Variants in KIRREL3 observed in about 807,000 individuals in gnomAD.
KIRREL3 encodes kin of IRRE-like protein 3.
KIRREL3 carries 36 observed loss-of-function variants against 89.7 expected under a neutral mutation model. The observed-to-expected ratio is 0.40, with a 90% confidence interval of 0.31 to 0.53. The LOEUF (loss-of-function observed/expected upper bound fraction) is 0.53. Among genes scored for constraint, KIRREL3 ranks in the 20% least tolerant of loss-of-function variants. The probability of loss-of-function intolerance (pLI) is 0.49; values close to 1 mark genes in which losing one functional copy is unlikely to be tolerated. For synonymous variants in KIRREL3, 445 were observed against 441.4 expected, an observed-to-expected ratio of 1.01 and a Z score of -0.10; for missense variants, 864 against 1,056.6, an observed-to-expected ratio of 0.82 and a Z score of 2.53.
chr11:126,834,232 G>A (rs960949343), intron 1 of KIRREL3, among the ~76,000 whole-genome samples: 4 of 152,174 alleles, frequency 2.6e-5, no homozygotes, highest in Non-Finnish European at 4.4e-5. Flanking sequence ...TTGCAAGCTG[G>A]GAGGTGAGGT....
rs1303586185 is a variant in KIRREL3 at position 126,891,708 on chromosome 11, G to A, written c.55+108747C>T. On this transcript the variant is annotated intron_variant, in intron 1 of 16. Coordinates refer to ENST00000525144, the MANE Select transcript of KIRREL3 (RefSeq NM_032531.4). The surrounding 1 kb of genome is among the most constrained non-coding windows in gnomAD (Gnocchi z 5.1). ...TGGCTTCTAAGATGCAGCCCTGACC[G>A]GCTGACTCAAAGGAAGTTGGCTGGC... 1.3e-5 allele frequency among the ~76,000 whole-genome samples: 2 copies of A among 152,284 alleles called. No individual in the cohort carries two copies. The highest frequency in any genetic ancestry group is 2.4e-5 in the African/African-American group (1 of 41,556).
chr11:126,577,877 G>A (rs917444432), intron 1 of KIRREL3, among the ~76,000 whole-genome samples: 1 of 151,952 alleles, frequency 6.6e-6, no homozygotes, highest in Non-Finnish European at 1.5e-5. Flanking sequence ...TAGATTCTTC[G>A]AACAAAAAGT....
intron 2 of KIRREL3, among the ~76,000 whole-genome samples, chr11:126,547,175 T>C (rs1265431192): frequency 6.6e-6 from 1 of 152,240 alleles, no homozygotes; most frequent in South Asian, 2.1e-4. Flanking sequence ...ATCTGGGCTC[T>C]AAAACATTAT....
At chr11:126,910,795 G>A (rs1251330465) in intron 1 of KIRREL3, among the ~76,000 whole-genome samples, 2 of 152,168 alleles carry the variant, frequency 1.3e-5, no homozygotes, top group Non-Finnish European at 2.9e-5. Context: ...AAACTCCCAT[G>A]TGTCAGGCTC....
At chr11:126,585,949 G>T (rs910949674) in intron 1 of KIRREL3, among the ~76,000 whole-genome samples, 5 of 152,256 alleles carry the variant, frequency 3.3e-5, no homozygotes, top group African/African-American at 9.6e-5. Context: ...AAATAAATAT[G>T]ATATCATAAG....
Position 126,576,755 on chromosome 11 carries a change from T to G in KIRREL3, c.56-13843A>C, listed in dbSNP as rs1486635711. Among the ~76,000 whole-genome samples the G allele has an allele frequency of 6.6e-6, 1 of 152,200 alleles. No individual in the cohort carries two copies. Among genetic ancestry groups the G allele is most frequent in the Admixed American group, 6.5e-5 (1 of 15,286 alleles). On this transcript the variant is annotated intron_variant, in intron 1 of 16. Coordinates refer to ENST00000525144, the MANE Select transcript of KIRREL3 (RefSeq NM_032531.4). The surrounding 1 kb of genome is among the most constrained non-coding windows in gnomAD (Gnocchi z 5.4). Reference sequence around the variant, plus strand: ...TCTTCTCAGGCACTTAGATTTTTGATGCACACTGAGAGGGTCCTTTTTAAT... The same window carrying G: ...TCTTCTCAGGCACTTAGATTTTTGAGGCACACTGAGAGGGTCCTTTTTAAT...
In KIRREL3 at chr11:126,628,204, C is replaced by G. The variant is rs898250656; in HGVS notation, c.56-65292G>C. ...GGCTTCTGGCCTGCATCCCACTGCA[C>G]TGTCTGAGCACTCATCAAGACCTGC... On this transcript the variant is annotated intron_variant, in intron 1 of 16. Coordinates refer to ENST00000525144, the MANE Select transcript of KIRREL3 (RefSeq NM_032531.4). The surrounding 1 kb of genome is among the most constrained non-coding windows in gnomAD (Gnocchi z 5.2). Among the ~76,000 whole-genome samples the G allele has an allele frequency of 4.6e-5, 7 of 152,220 alleles. No individual in the cohort carries two copies. The highest frequency in any genetic ancestry group is 1.0e-4 in the Non-Finnish European group (7 of 68,038).
intron 10 of KIRREL3, among the ~76,000 whole-genome samples, chr11:126,442,720 A>G (rs1277213090): frequency 1.3e-5 from 2 of 152,266 alleles, no homozygotes; most frequent in Non-Finnish European, 2.9e-5. Flanking sequence ...GCTCTGCAGA[A>G]GCAGGGGCAG....
At chr11:126,437,886 A>T (rs1176541564) in intron 11 of KIRREL3, among the ~76,000 whole-genome samples, 1 of 152,166 alleles carries the variant, frequency 6.6e-6, no homozygotes, top group Non-Finnish European at 1.5e-5. Context: ...ACACTATGAC[A>T]TACACACACA....
At position 126,431,655 on chromosome 11, in the gene KIRREL3, G is replaced by C. The variant is rs536713619; in HGVS notation, c.1589-129C>G. On this transcript the variant is annotated intron_variant, in intron 13 of 16. Transcript: ENST00000525144. This position sits in a 1 kb window ranked among gnomAD's most constrained non-coding sequence, Gnocchi z 7.1. ...CCCTCCTGGGAAATGCCTCAGTGGG[G>C]CCTGGGCAGGCACAGGCCGAGTCCA... 6 of 896,984 alleles carry C rather than the reference G, an allele frequency of 6.7e-6. No homozygotes were observed. The East Asian group carries it at 1.1e-4, about 16-fold the overall frequency. 55.6% of individuals were successfully genotyped at this position (896,984 alleles called of 1,614,324 possible). A position where few individuals can be genotyped will look rare whatever the true frequency, so the allele number is the denominator to read the frequency against.
rs1371996115 is a variant in KIRREL3 at position 126,516,939 on chromosome 11, T to C, written c.433+4376A>G. On this transcript the variant is annotated intron_variant, in intron 4 of 16. Coordinates refer to ENST00000525144, the MANE Select transcript of KIRREL3 (RefSeq NM_032531.4). This position sits in a 1 kb window ranked among gnomAD's most constrained non-coding sequence, Gnocchi z 4.9. Reference sequence around the variant, plus strand: ...TAAAAATACAAAAATTAGCCAGGCGTGGTGGCACGTGCCTGTAATCCCAGC... The same window carrying C: ...TAAAAATACAAAAATTAGCCAGGCGCGGTGGCACGTGCCTGTAATCCCAGC... Among the ~76,000 whole-genome samples, 1 of 151,852 alleles carries C rather than the reference T, an allele frequency of 6.6e-6. No homozygotes were observed. The highest frequency in any genetic ancestry group is 1.9e-4 in the East Asian group (1 of 5,170).
At chr11:126,663,249 G>A (rs1945504432) in intron 1 of KIRREL3, among the ~76,000 whole-genome samples, 3 of 142,606 alleles carry the variant, frequency 2.1e-5, no homozygotes, top group South Asian at 2.3e-4. Flanking sequence ...GCAGTGGCTC[G>A]ATCTTCTTTC....
chr11:126,431,219 G>C lies in KIRREL3; in HGVS notation c.1696+200C>G. On this transcript the variant is annotated intron_variant, in intron 14 of 16. Coordinates refer to ENST00000525144, the MANE Select transcript of KIRREL3 (RefSeq NM_032531.4). The surrounding 1 kb of genome is among the most constrained non-coding windows in gnomAD (Gnocchi z 7.1). ...TTCAGTCTAGTCCAGGTCAACCTCA[G>C]CCTAGCGCCCACTCTGCCAGGCGCC... is the stretch of plus-strand genomic sequence containing the variant. The C allele has an allele frequency of 2.7e-6, 4 of 1,505,346 alleles. No homozygotes were observed. Among genetic ancestry groups the C allele is most frequent in the Non-Finnish European group, 3.6e-6 (4 of 1,122,268 alleles). 93.2% of individuals were successfully genotyped at this position (1,505,346 alleles called of 1,614,324 possible). A position where few individuals can be genotyped will look rare whatever the true frequency, so the allele number is the denominator to read the frequency against.
intron 1 of KIRREL3, among the ~76,000 whole-genome samples, chr11:126,760,917 C>A (rs929792239): frequency 6.6e-6 from 1 of 152,204 alleles, no homozygotes; most frequent in African/African-American, 2.4e-5. Context: ...TTAGGAATTA[C>A]CATTAATGGA....
intron 1 of KIRREL3, among the ~76,000 whole-genome samples, chr11:126,920,861 G>C (rs931692739): frequency 2.6e-5 from 4 of 152,170 alleles, no homozygotes; most frequent in African/African-American, 7.2e-5. Flanking sequence ...AGGATGCTGA[G>C]AGCTGCTAGA....
In KIRREL3 at chr11:126,999,167, T is replaced by TGTGC. The variant is rs1591449528; in HGVS notation, c.55+1287_55+1288insGCAC. ...ATACATGAGTGTGTGTGTGTGTGTG[T>TGTGC]GTGTACATACATTATCATTATACAC... is the stretch of plus-strand genomic sequence containing the variant. On this transcript the variant is annotated intron_variant, in intron 1 of 16. Coordinates refer to ENST00000525144, the MANE Select transcript of KIRREL3 (RefSeq NM_032531.4). This position sits in a 1 kb window ranked among gnomAD's most constrained non-coding sequence, Gnocchi z 5.7. Among the ~76,000 whole-genome samples, 1 of 151,930 alleles carries TGTGC rather than the reference T, an allele frequency of 6.6e-6. No individual in the cohort carries two copies. Among genetic ancestry groups the TGTGC allele is most frequent in the East Asian group, 1.9e-4 (1 of 5,176 alleles).
chr11:126,957,485 G>A (rs534757073), intron 1 of KIRREL3, among the ~76,000 whole-genome samples: 9 of 152,146 alleles, frequency 5.9e-5, no homozygotes, highest in African/African-American at 1.4e-4. Flanking sequence ...AGGCTGCCAC[G>A]GGAAGGTGAG....
At chr11:126,921,620 ATCTTC>A (rs1479864727) in intron 1 of KIRREL3, among the ~76,000 whole-genome samples, 1 of 36,170 alleles carries the variant, frequency 2.8e-5, no homozygotes, top group Non-Finnish European at 5.0e-5. Flanking sequence ...CTATCTATCT[ATCTTC>A]CTATCTATCC....
At chr11:126,547,116 G>A (rs11220535) in intron 2 of KIRREL3, among the ~76,000 whole-genome samples, 2,759 of 152,298 alleles carry the variant, frequency 0.018, 56 homozygotes, top group African/African-American at 0.052. Context: ...CACAAGGCAG[G>A]TATGATTTAC....
Sources: allele counts gnomAD v4.1 joint callset (sites outside exome capture counted in the v4.1 genomes callset), GRCh38; gene constraint gnomAD v4.1.1; non-coding constraint Gnocchi (gnomAD v3.1); transcripts MANE v1.5; gene names NCBI Gene and HGNC (gene_info 2026-07-23, HGNC 2026-07-21).